Variants in UBE2J2 observed in about 807,000 individuals in gnomAD.
UBE2J2 encodes the protein ubiquitin conjugating enzyme E2 J2, also known as ubiquitin-conjugating enzyme E2 J2.
A neutral mutation model predicts 28.6 loss-of-function variants in UBE2J2; 5 were observed. The observed-to-expected ratio is 0.17, with a 90% CI of 0.09 to 0.37. The LOEUF is 0.37. Among genes scored for constraint, UBE2J2 ranks in the 10% least tolerant of loss-of-function variants. The pLI is 1.00. For missense variants in UBE2J2, 226 were observed against 338.9 expected, an observed-to-expected ratio of 0.67 and a Z score of 2.62; for synonymous variants, 138 against 139.7, an observed-to-expected ratio of 0.99 and a Z score of 0.09.
intron 2 of UBE2J2, among the ~76,000 whole-genome samples, chr1:1,264,407 T>TGCCAACACCG (rs980731236): frequency 3.3e-5 from 5 of 152,196 alleles, no homozygotes; most frequent in African/African-American, 4.8e-5. Context: ...TGGCTTCAAC[T>TGCCAACACCG]GCCAACACCG....
At chr1:1,257,380 A>ACC (rs1570539059) in intron 3 of UBE2J2, 70 bp from the exon 4 acceptor site, 5 of 299,400 alleles carry the variant, frequency 1.7e-5, no homozygotes, top group African/African-American at 1.2e-4. Flanking sequence ...CCTCGTCCCC[A>ACC]TCCCCCCACG....
At position 1,254,946 on chromosome 1, in the gene UBE2J2, G is replaced by C. The variant is rs2101021656; in HGVS notation, c.*257C>G. On this transcript the variant is annotated 3_prime_UTR_variant, in exon 7 of 7. Coordinates refer to ENST00000349431, the MANE Select transcript of UBE2J2 (RefSeq NM_058167.3). ...CTAAAACAGGTCCAAAGACAACACG[G>C]AAGATAAGCTACAAATCCAGCACAC... 1 of 425,320 alleles carries C rather than the reference G, an allele frequency of 2.4e-6. No individual in the cohort carries two copies. Among genetic ancestry groups the C allele is most frequent in the Admixed American group, 4.1e-5 (1 of 24,560 alleles). The allele number at this position is 425,320 out of a possible 1,614,324, so 26.3% of individuals were successfully genotyped here. A position where few individuals can be genotyped will look rare whatever the true frequency, so the allele number is the denominator to read the frequency against.
At position 1,255,068 on chromosome 1, in the gene UBE2J2, C is replaced by A; in HGVS notation, c.*135G>T. ...CAGTCACACATTTTGGTTTTTGCTT[C>A]CCCTTTCAGGTTTTTAAAAGCTAAA... On this transcript the variant is annotated 3_prime_UTR_variant, in exon 7 of 7. Coordinates refer to ENST00000349431, the MANE Select transcript of UBE2J2 (RefSeq NM_058167.3). 9.4e-7 allele frequency: 1 copy of A among 1,062,904 alleles called. No individual in the cohort carries two copies. Among genetic ancestry groups the A allele is most frequent in the South Asian group, 1.8e-5 (1 of 56,678 alleles). The allele number at this position is 1,062,904 out of a possible 1,614,324, so 65.8% of individuals were successfully genotyped here. A position where few individuals can be genotyped will look rare whatever the true frequency, so the allele number is the denominator to read the frequency against.
chr1:1,257,368 G>C lies in UBE2J2; in HGVS notation c.173-58C>G. ...GTCCGCCACAGCAGGGGCTCCTGGA[G>C]ACCTCGTCCCCATCCCCCCACGCCA... is the stretch of plus-strand genomic sequence containing the variant. On this transcript the variant is annotated intron_variant, in intron 3 of 6. Transcript: ENST00000349431. 7.3e-6 allele frequency: 6 copies of C among 823,208 alleles called. No individual in the cohort carries two copies. The South Asian group carries it at 9.8e-5, about 13-fold the overall frequency. 51.0% of individuals were successfully genotyped at this position (823,208 alleles called of 1,614,324 possible). A position where few individuals can be genotyped will look rare whatever the true frequency, so the allele number is the denominator to read the frequency against.
At position 1,267,965 on chromosome 1, in the gene UBE2J2, G is replaced by A; in HGVS notation, c.28C>T (p.Pro10Ser). MSSTSSKRA[P>S]TTATQRLKQD... is the part of the protein sequence containing the mutation. ...TTCAGCCTCTGGGTTGCCGTGGTCGGAGCCCTCTTACTGCTGGTGCTGCTC... is the reference window on the plus strand; with the variant it reads ...TTCAGCCTCTGGGTTGCCGTGGTCGAAGCCCTCTTACTGCTGGTGCTGCTC... Residue 10 changes from proline (P) to serine (S), a missense_variant, in exon 2 of 7, where the codon CCG becomes TCG. Pro to Ser is a moderately conservative substitution (Grantham distance 74). Coordinates refer to ENST00000349431, the MANE Select transcript of UBE2J2 (RefSeq NM_058167.3). 6.2e-7 allele frequency: 1 copy of A among 1,614,050 alleles called. No homozygotes were observed. Among genetic ancestry groups the A allele is most frequent in the Non-Finnish European group, 8.5e-7 (1 of 1,179,994 alleles).
rs1639074042 is a variant in UBE2J2, at chr1:1,254,640, C to G, written c.*563G>C. On this transcript the variant is annotated 3_prime_UTR_variant, in exon 7 of 7. Transcript: ENST00000349431. The stretch of plus-strand genomic sequence containing the variant: ...CTTTCTAGAAGGAATGTGTTTCATT[C>G]TGACTGTAAACACATTTGTAAATGC... The G allele has an allele frequency of 6.6e-6, 1 of 152,490 alleles. No homozygotes were observed. The highest frequency in any genetic ancestry group is 1.5e-5 in the Non-Finnish European group (1 of 68,236). The allele number at this position is 152,490 out of a possible 1,614,324, so 9.4% of individuals were successfully genotyped here. A position where few individuals can be genotyped will look rare whatever the true frequency, so the allele number is the denominator to read the frequency against.
intron 1 of UBE2J2, among the ~76,000 whole-genome samples, chr1:1,272,397 GCGTCCCTCACC>G (rs1455434333): frequency 6.6e-6 from 1 of 152,224 alleles, no homozygotes; most frequent in Non-Finnish European, 1.5e-5. Flanking sequence ...TGGCTGCCCA[GCGTCCCTCACC>G]CGTCCCTCTT....
chr1:1,259,060 T>C (rs551061316), intron 3 of UBE2J2, among the ~76,000 whole-genome samples: 252 of 151,572 alleles, frequency 1.7e-3, no homozygotes, highest in Non-Finnish European at 2.5e-3. Context: ...CGCACGTGTG[T>C]GCATGTGTGT....
chr1:1,260,055 C>T (rs375346727), intron 3 of UBE2J2, among the ~76,000 whole-genome samples: 1 of 152,190 alleles, frequency 6.6e-6, no homozygotes, highest in Non-Finnish European at 1.5e-5. Flanking sequence ...ACACACATGG[C>T]CAAGCAGGGG....
chr1:1,257,658 G>A (rs1639284736), intron 3 of UBE2J2, among the ~76,000 whole-genome samples: 1 of 151,446 alleles, frequency 6.6e-6, no homozygotes, highest in African/African-American at 2.4e-5. Context: ...CAGGAGCAGA[G>A]GGGTCGGAAG....
At chr1:1,263,602 A>C (rs1639682249) in intron 2 of UBE2J2, 6 of 499,336 alleles carry the variant, frequency 1.2e-5, no homozygotes, top group Admixed American at 3.3e-5. Flanking sequence ...GATCTTAGAG[A>C]CTATACTTTA....
At chr1:1,261,591 CA>C (rs1639563104) in intron 3 of UBE2J2, among the ~76,000 whole-genome samples, 1 of 149,882 alleles carries the variant, frequency 6.7e-6, no homozygotes, top group African/African-American at 2.5e-5. Context: ...AACCACAAAA[CA>C]AACAAAAAAA....
In UBE2J2 at chr1:1,254,461, C is replaced by T. The variant is rs1039551937; in HGVS notation, c.*742G>A. The T allele has an allele frequency of 6.6e-6, 1 of 152,164 alleles. No homozygotes were observed. Among genetic ancestry groups the T allele is most frequent in the Admixed American group, 6.5e-5 (1 of 15,286 alleles). 9.4% of individuals were successfully genotyped at this position (152,164 alleles called of 1,614,324 possible). ...GAAAAGGCTCTGCAGGTACCCAAGG[C>T]CCCCCAGCCTGCAGCACCGAGGGGC... On this transcript the variant is annotated 3_prime_UTR_variant, in exon 7 of 7. Transcript: ENST00000349431.
chr1:1,262,346 C>T (rs1335141926), intron 3 of UBE2J2: 4 of 456,188 alleles, frequency 8.8e-6, no homozygotes, highest in African/African-American at 4.0e-5. Context: ...GATGTACTCC[C>T]GCACTCTGGC....
intron 3 of UBE2J2, 98 bp from the exon 4 acceptor site, chr1:1,257,408 CTCA>C: frequency 1.6e-6 from 1 of 606,640 alleles, no homozygotes. Context: ...CCCCCCCCCC[CTCA>C]GCTCGGCTCC....
chr1:1,263,176 T>TTCCA (rs2101064707), intron 3 of UBE2J2, 170 bp downstream of exon 3: 1 of 663,762 alleles, frequency 1.5e-6, no homozygotes, highest in African/African-American at 1.9e-5. Flanking sequence ...GAGCAAACAC[T>TTCCA]TCCAGCGTGT....
At chr1:1,264,129 G>A (rs560783513) in intron 2 of UBE2J2, among the ~76,000 whole-genome samples, 2 of 152,188 alleles carry the variant, frequency 1.3e-5, no homozygotes, top group South Asian at 2.1e-4. Context: ...GCCCTTTCTC[G>A]TGCTCCTGGA....
At chr1:1,270,963 C>T (rs6667923) in intron 1 of UBE2J2, among the ~76,000 whole-genome samples, 3 of 152,152 alleles carry the variant, frequency 2.0e-5, no homozygotes, top group Non-Finnish European at 2.9e-5. Context: ...CCCAGCCTAG[C>T]CTGTACTGGA....
Position 1,255,122 on chromosome 1 carries a change from T to C in UBE2J2, c.*81A>G, listed in dbSNP as rs952956265. 2.2e-5 allele frequency: 31 copies of C among 1,433,712 alleles called. No homozygotes were observed. The highest frequency in any genetic ancestry group is 2.1e-4 in the South Asian group (15 of 71,024). The allele number at this position is 1,433,712 out of a possible 1,614,324, so 88.8% of individuals were successfully genotyped here. ...AGGAGCCTGGTGGGTCTGCCTGTGCTGGGCAGTGTGTCCAGCCTGCCGAGG... is the reference window on the plus strand; with the variant it reads ...AGGAGCCTGGTGGGTCTGCCTGTGCCGGGCAGTGTGTCCAGCCTGCCGAGG... On this transcript the variant is annotated 3_prime_UTR_variant, in exon 7 of 7. Coordinates refer to ENST00000349431, the MANE Select transcript of UBE2J2 (RefSeq NM_058167.3).
Sources: gnomAD v4.1 joint callset for allele counts (sites outside exome capture counted in the v4.1 genomes callset) on GRCh38, gnomAD v4.1.1 for gene constraint, MANE v1.5 for transcripts, NCBI Gene and HGNC (gene_info 2026-07-23, HGNC 2026-07-21) for gene names.